LCK: variants seen among roughly 807,000 people sequenced by gnomAD.
LCK encodes tyrosine-protein kinase Lck.
LCK carries 14 observed loss-of-function variants against 64.6 expected under a neutral mutation model. The ratio of observed to expected loss-of-function variants is 0.22; its 90% CI spans 0.14 to 0.34. The LOEUF (loss-of-function observed/expected upper bound fraction) is 0.34. Among genes scored for constraint, LCK ranks in the 10% least tolerant of loss-of-function variants. The pLI is 1.00. For missense variants in LCK, 434 were observed against 668.1 expected, an observed-to-expected ratio of 0.65 and a Z score of 3.86; for synonymous variants, 277 against 263.6, an observed-to-expected ratio of 1.05 and a Z score of -0.49.
At chr1:32,261,944 C>G (rs925829916) in intron 1 of LCK, among the ~76,000 whole-genome samples, 1 of 120,952 alleles carries the variant, frequency 8.3e-6, no homozygotes, top group African/African-American at 3.3e-5. Context: ...CAGAACTAGA[C>G]TCTGTCAGAA....
In LCK at chr1:32,276,413, C is replaced by T. The variant is rs1352169234; in HGVS notation, c.708C>T (p.Asp236=). The part of the protein sequence containing the change: ...TQKPQKPWWE[D]EWEVPRETLK... ...AGCCCCAGAAGCCGTGGTGGGAGGA[C>T]GAGTGGGAGGTTCCCAGGGAGACGC... The change falls in exon 8 of 13, where the codon GAC becomes GAT. Residue 236 remains aspartate (D), a synonymous_variant. Transcript: ENST00000336890. This position sits in a 1 kb window ranked among gnomAD's most constrained non-coding sequence, Gnocchi z 4.6. 1.2e-6 allele frequency: 2 copies of T among 1,612,234 alleles called. No homozygotes were observed. The highest frequency in any genetic ancestry group is 1.7e-5 in the Admixed American group (1 of 59,964).
chr1:32,265,387 A>T (rs1422666538), intron 1 of LCK, among the ~76,000 whole-genome samples: 15 of 152,152 alleles, frequency 9.9e-5, no homozygotes. Flanking sequence ...CTGACTACAA[A>T]CATTTCTGGC....
Position 32,251,869 on chromosome 1 carries a change from C to A in LCK, c.-6+498C>A, listed in dbSNP as rs1308113510. On this transcript the variant is annotated intron_variant, in intron 1 of 12. Coordinates refer to ENST00000336890, the MANE Select transcript of LCK (RefSeq NM_005356.5). This position sits in a 1 kb window ranked among gnomAD's most constrained non-coding sequence, Gnocchi z 4.0. Reference sequence around the variant, plus strand: ...GAATCCTTCTGGTTTCTGGGGCAGACCCCAGTGACAAGAATCTCCTGAGAA... The same window carrying A: ...GAATCCTTCTGGTTTCTGGGGCAGAACCCAGTGACAAGAATCTCCTGAGAA... Among the ~76,000 whole-genome samples, 1 of 149,844 alleles carries A rather than the reference C, an allele frequency of 6.7e-6. No homozygotes were observed. Among genetic ancestry groups the A allele is most frequent in the African/African-American group, 2.5e-5 (1 of 40,442 alleles).
intron 1 of LCK, among the ~76,000 whole-genome samples, chr1:32,270,909 G>T (rs1307435331): frequency 6.6e-6 from 1 of 150,488 alleles, no homozygotes; most frequent in Non-Finnish European, 1.5e-5. Context: ...GCACCATGTT[G>T]GCCAGGATGG....
intron 12 of LCK, among the ~76,000 whole-genome samples, chr1:32,284,142 C>G (rs1029141024): frequency 3.3e-5 from 5 of 151,524 alleles, no homozygotes; most frequent in Non-Finnish European, 7.4e-5. Flanking sequence ...CTTGGCCTCC[C>G]AAAGTGTTGG....
At chr1:32,256,772 T>C (rs991600343) in intron 1 of LCK, among the ~76,000 whole-genome samples, 4 of 152,184 alleles carry the variant, frequency 2.6e-5, no homozygotes, top group Non-Finnish European at 5.9e-5. Flanking sequence ...CAGTGTGGCA[T>C]TTCCTAAAAT....
chr1:32,256,677 C>T (rs1253402316), intron 1 of LCK, among the ~76,000 whole-genome samples: 1 of 152,200 alleles, frequency 6.6e-6, no homozygotes, highest in Non-Finnish European at 1.5e-5. Context: ...CTCAAGCAAT[C>T]GTCCTACCTC....
At chr1:32,269,110 T>TAA (rs539681482) in intron 1 of LCK, among the ~76,000 whole-genome samples, 2 of 99,568 alleles carry the variant, frequency 2.0e-5, no homozygotes, top group Non-Finnish European at 4.0e-5. Context: ...AGAGCAAGTC[T>TAA]AAAAAAAAAA....
At chr1:32,254,548 T>C (rs565531970) in intron 1 of LCK, among the ~76,000 whole-genome samples, 1 of 152,270 alleles carries the variant, frequency 6.6e-6, no homozygotes, top group South Asian at 2.1e-4. Flanking sequence ...GTTTTACTCT[T>C]GTTGCCCAGG....
chr1:32,271,720 T>G (rs996138703), intron 1 of LCK, among the ~76,000 whole-genome samples: 1 of 152,338 alleles, frequency 6.6e-6, no homozygotes, highest in Admixed American at 6.5e-5. Flanking sequence ...TTCTAAGACC[T>G]TTGCAGATGG....
chr1:32,273,980 T>A (rs1203497066), intron 1 of LCK: 4 of 357,590 alleles, frequency 1.1e-5, no homozygotes, highest in African/African-American at 8.4e-5. Flanking sequence ...GAGGTGGTCC[T>A]CCCAACACAG....
chr1:32,255,532 A>G (rs1400053563), intron 1 of LCK, among the ~76,000 whole-genome samples: 4 of 152,204 alleles, frequency 2.6e-5, no homozygotes, highest in African/African-American at 9.6e-5. Context: ...AGCTTGGTAA[A>G]TGGTTAACGG....
At position 32,285,608 on chromosome 1, in the gene LCK, G is replaced by C; in HGVS notation, c.1422G>C (p.Arg474Ser). ...CAGAGGAGCTGTACCAACTCATGAG[G>C]CTGTGCTGGAAGGAGCGCCCAGAGG... ...NCPEELYQLMRLCWKERPEDR... is the reference protein window; with the variant it reads ...NCPEELYQLMSLCWKERPEDR... Residue 474 changes from arginine to serine, a missense_variant, in exon 13 of 13, where the codon AGG becomes AGC. This residue lies in a region of LCK where 201 missense variants were observed against 376.9 expected (regional missense o/e 0.53). Transcript: ENST00000336890. 1 of 1,614,230 alleles carries C rather than the reference G, an allele frequency of 6.2e-7. No homozygotes were observed. Among genetic ancestry groups the C allele is most frequent in the Non-Finnish European group, 8.5e-7 (1 of 1,180,042 alleles).
Position 32,285,909 on chromosome 1 carries a change from A to G in LCK, c.*193A>G, listed in dbSNP as rs1042546. On this transcript the variant is annotated 3_prime_UTR_variant, in exon 13 of 13. Transcript: ENST00000336890. ...TGCGTGGACTCTGCACATGTCTTGT[A>G]CATGTGTAGCCTGTGCATGTATGTC... The G allele has an allele frequency of 0.058, 36,319 of 624,906 alleles. 1,283 individuals carry two copies. The highest frequency in any genetic ancestry group is 0.077 in the Middle Eastern group (178 of 2,304). 38.7% of individuals were successfully genotyped at this position (624,906 alleles called of 1,614,324 possible).
At chr1:32,284,152 G>A (rs1320067430) in intron 12 of LCK, among the ~76,000 whole-genome samples, 1 of 151,190 alleles carries the variant, frequency 6.6e-6, no homozygotes, top group Non-Finnish European at 1.5e-5. Flanking sequence ...CAAAGTGTTG[G>A]GATTACAGGC....
In LCK at chr1:32,276,878, G is replaced by T. The variant is rs1640290818; in HGVS notation, c.964+92G>T. The T allele has an allele frequency of 7.6e-6, 10 of 1,308,094 alleles. No homozygotes were observed. The highest frequency in any genetic ancestry group is 1.0e-5 in the Non-Finnish European group (10 of 981,766). 81.0% of individuals were successfully genotyped at this position (1,308,094 alleles called of 1,614,324 possible). On this transcript the variant is annotated intron_variant, in intron 9 of 12. Coordinates refer to ENST00000336890, the MANE Select transcript of LCK (RefSeq NM_005356.5). This position sits in a 1 kb window ranked among gnomAD's most constrained non-coding sequence, Gnocchi z 4.6. ...AATACACCTTTTCTTCTGGCCCAAA[G>T]CTCAAGCAAGGAGGGTTTCTTGAGC...
intron 12 of LCK, among the ~76,000 whole-genome samples, chr1:32,285,001 A>T (rs970113783): frequency 2.0e-5 from 3 of 151,664 alleles, no homozygotes; most frequent in African/African-American, 7.3e-5. Flanking sequence ...TATCTAAAAC[A>T]TTTTTTTTAA....
chr1:32,274,946 C>T, intron 3 of LCK, 47 bp from the exon 4 acceptor site: 1 of 1,614,186 alleles, frequency 6.2e-7, no homozygotes, highest in Non-Finnish European at 8.5e-7. Flanking sequence ...CTCCAGGCTT[C>T]CTGCCGATCC....
intron 1 of LCK, among the ~76,000 whole-genome samples, chr1:32,257,797 TG>T (rs775948964): frequency 4.6e-5 from 7 of 152,184 alleles, no homozygotes; most frequent in Non-Finnish European, 1.0e-4. Context: ...CGTTACTGGT[TG>T]GGGGACTTCT....
Sources: gnomAD v4.1 joint callset for allele counts (sites outside exome capture counted in the v4.1 genomes callset) on GRCh38, gnomAD v4.1.1 for gene constraint, gnomAD v4.1.1 regional missense constraint, Gnocchi (gnomAD v3.1) non-coding constraint, MANE v1.5 for transcripts, NCBI Gene and HGNC (gene_info 2026-07-23, HGNC 2026-07-21) for gene names.